Variants in AKAP13 observed in about 807,000 individuals in gnomAD.
AKAP13 encodes A-kinase anchor protein 13.
A neutral mutation model predicts 264.5 loss-of-function variants in AKAP13; 80 were observed. The ratio of observed to expected loss-of-function variants is 0.30; its 90% CI spans 0.25 to 0.36. AKAP13 has a LOEUF of 0.36. Ranked by LOEUF, AKAP13 falls within the 10% of genes least tolerant of loss-of-function variation. The pLI is 1.00. For missense variants in AKAP13, 3,712 were observed against 3,435.2 expected, an observed-to-expected ratio of 1.08 and a Z score of -2.01; for synonymous variants, 1,380 against 1,250.2, an observed-to-expected ratio of 1.10 and a Z score of -2.19.
rs34499592 is a variant in AKAP13, at chr15:85,396,901, C to CTT, written c.-12+16123_-12+16124dup. On this transcript the variant is annotated intron_variant, in intron 1 of 36. Coordinates refer to ENST00000394518, the MANE Select transcript of AKAP13 (RefSeq NM_007200.5). ...TTTTTGAGTCCTCTCGTATGTTAGA[C>CTT]TTTTTTTTTTTTTTTTTTTTTAAGA... is the stretch of plus-strand genomic sequence containing the variant. 1.2e-3 allele frequency among the ~76,000 whole-genome samples: 139 copies of CTT among 114,588 alleles called. 2 individuals carry two copies. The highest frequency in any genetic ancestry group is 3.8e-3 in the East Asian group (15 of 3,958). The allele number at this position is 114,588 out of a possible 152,430, so 75.2% of individuals were successfully genotyped here.
At chr15:85,703,030 G>A (rs952643021) in intron 17 of AKAP13, among the ~76,000 whole-genome samples, 7 of 152,118 alleles carry the variant, frequency 4.6e-5, no homozygotes, top group Admixed American at 2.6e-4. Context: ...ATTTTCTGTT[G>A]TGCTAGCAGC....
At chr15:85,413,424 A>T (rs990635072) in intron 1 of AKAP13, among the ~76,000 whole-genome samples, 3 of 152,166 alleles carry the variant, frequency 2.0e-5, no homozygotes, top group Non-Finnish European at 4.4e-5. Flanking sequence ...CTTTCATTTC[A>T]TTCAGGGGTA....
intron 3 of AKAP13, among the ~76,000 whole-genome samples, chr15:85,530,764 A>G (rs1273973398): frequency 6.6e-6 from 1 of 152,106 alleles, no homozygotes; most frequent in Non-Finnish European, 1.5e-5. Context: ...CATACGTATC[A>G]CTCCATCCAT....
chr15:85,571,835 T>C (rs889258423), intron 5 of AKAP13, among the ~76,000 whole-genome samples: 3 of 152,198 alleles, frequency 2.0e-5, no homozygotes, highest in South Asian at 2.1e-4. Flanking sequence ...TAGCAACAGA[T>C]ATTCATGGAA....
chr15:85,420,061 C>T (rs2072448968), intron 1 of AKAP13, among the ~76,000 whole-genome samples: 1 of 150,954 alleles, frequency 6.6e-6, no homozygotes. Context: ...CCTGCCTCAG[C>T]CTCCCAAGTA....
rs150323680 is a variant in AKAP13, at chr15:85,550,576, A to G, written c.662+6621A>G. ...ATTGAGCAAGATGTTCTGCCAACATAGTAATTTTGCCCTTTTAGATTCCTC... is the reference window on the plus strand; with the variant it reads ...ATTGAGCAAGATGTTCTGCCAACATGGTAATTTTGCCCTTTTAGATTCCTC... On this transcript the variant is annotated intron_variant, in intron 5 of 36. Transcript: ENST00000394518. 2.2e-3 allele frequency among the ~76,000 whole-genome samples: 331 copies of G among 152,370 alleles called. 3 individuals carry two copies. Among genetic ancestry groups the G allele is most frequent in the African/African-American group, 7.5e-3 (312 of 41,584 alleles).
At chr15:85,505,483 G>A (rs1370043423) in intron 2 of AKAP13, among the ~76,000 whole-genome samples, 2 of 152,182 alleles carry the variant, frequency 1.3e-5, no homozygotes, top group South Asian at 2.1e-4. Context: ...AAAGAAGACA[G>A]GTTATAGGGA....
chr15:85,721,475 A>G (rs533318631), intron 23 of AKAP13, among the ~76,000 whole-genome samples: 1 of 152,338 alleles, frequency 6.6e-6, no homozygotes, highest in African/African-American at 2.4e-5. Flanking sequence ...TAGAGGAATC[A>G]TTGAGATTGC....
intron 1 of AKAP13, among the ~76,000 whole-genome samples, chr15:85,458,359 CTTTT>C: frequency 7.8e-6 from 1 of 127,976 alleles, no homozygotes; most frequent in East Asian, 2.3e-4. Context: ...CTTCCCCTTT[CTTTT>C]TTTCTCTTTT....
At chr15:85,490,789 C>T (rs1181827328) in intron 2 of AKAP13, among the ~76,000 whole-genome samples, 1 of 152,162 alleles carries the variant, frequency 6.6e-6, no homozygotes, top group East Asian at 1.9e-4. Context: ...GGTCCCTGCT[C>T]TCCTGGTACT....
At chr15:85,463,703 G>C (rs1254407756) in intron 1 of AKAP13, among the ~76,000 whole-genome samples, 1 of 152,148 alleles carries the variant, frequency 6.6e-6, no homozygotes, top group African/African-American at 2.4e-5. Flanking sequence ...GGAGACTGAA[G>C]CATTTGAGCT....
intron 8 of AKAP13, among the ~76,000 whole-genome samples, chr15:85,626,061 C>T (rs867496114): frequency 2.6e-5 from 4 of 152,212 alleles, no homozygotes; most frequent in Admixed American, 2.6e-4. Flanking sequence ...AATGCTGATA[C>T]ATGTTTTGAC....
chr15:85,437,146 C>T (rs10431835), intron 1 of AKAP13, among the ~76,000 whole-genome samples: 75 of 146,928 alleles, frequency 5.1e-4, no homozygotes, highest in African/African-American at 1.1e-3. Flanking sequence ...ATATCACCAC[C>T]GATCCCACAG....
At chr15:85,526,800 C>T (rs2077062759) in intron 3 of AKAP13, among the ~76,000 whole-genome samples, 1 of 152,154 alleles carries the variant, frequency 6.6e-6, no homozygotes, top group African/African-American at 2.4e-5. Flanking sequence ...CTGAAATACT[C>T]TCAAGCTATC....
intron 14 of AKAP13, among the ~76,000 whole-genome samples, chr15:85,679,234 C>A (rs2084444109): frequency 6.9e-6 from 1 of 145,846 alleles, no homozygotes; most frequent in Non-Finnish European, 1.5e-5. Flanking sequence ...TGTGAGACTC[C>A]ATCTCAAAAA....
intron 5 of AKAP13, among the ~76,000 whole-genome samples, chr15:85,549,079 C>T (rs2077859616): frequency 6.6e-6 from 1 of 152,090 alleles, no homozygotes; most frequent in Admixed American, 6.5e-5. Context: ...GTTTTTCATA[C>T]TTCAGGGAAA....
At chr15:85,616,472 T>C (rs192393045) in intron 8 of AKAP13, among the ~76,000 whole-genome samples, 1 of 152,336 alleles carries the variant, frequency 6.6e-6, no homozygotes, top group Admixed American at 6.5e-5. Context: ...TTAAAAGCAC[T>C]GGTTGTTTTT....
rs2084637548 is a variant in AKAP13, at chr15:85,682,186, C to T, written c.5130C>T (p.His1710=). 1 of 1,613,560 alleles carries T rather than the reference C, an allele frequency of 6.2e-7. No homozygotes were observed. The highest frequency in any genetic ancestry group is 1.1e-5 in the South Asian group (1 of 91,074). Residue 1710 remains histidine, a synonymous_variant, in exon 15 of 37, where the codon CAC becomes CAT. Coordinates refer to ENST00000394518, the MANE Select transcript of AKAP13 (RefSeq NM_007200.5). Reference sequence around the variant, plus strand: ...CACGGCCCTTCCACAGTACCTTCCACAATACCAGTGCTAATCTGACTGAGA... The same window carrying T: ...CACGGCCCTTCCACAGTACCTTCCATAATACCAGTGCTAATCTGACTGAGA... ...DNSRPFHSTF[H]NTSANLTESI...
chr15:85,499,751 A>G (rs942320597), intron 2 of AKAP13, among the ~76,000 whole-genome samples: 6 of 151,778 alleles, frequency 4.0e-5, no homozygotes, highest in African/African-American at 1.5e-4. Flanking sequence ...CTGAGCTTTC[A>G]TCCTCCTGTG....
Sources: gnomAD v4.1 joint callset for allele counts (sites outside exome capture counted in the v4.1 genomes callset) on GRCh38, gnomAD v4.1.1 for gene constraint, MANE v1.5 for transcripts, NCBI Gene and HGNC (gene_info 2026-07-23, HGNC 2026-07-21) for gene names.